Variants in MED13 observed in about 807,000 individuals in gnomAD.
MED13 encodes the protein mediator complex subunit 13.
Under a neutral mutation model 225.2 loss-of-function variants are expected in MED13, and 23 were observed. That is an observed-to-expected ratio of 0.10 (90% CI 0.07 to 0.14). The LOEUF (loss-of-function observed/expected upper bound fraction) is 0.14. MED13 is among the 10% of genes least tolerant of loss of function. The pLI, the probability that MED13 is intolerant of heterozygous loss-of-function variation, is 1.00. For synonymous variants in MED13, 942 were observed against 889.2 expected, an observed-to-expected ratio of 1.06 and a Z score of -1.06; for missense variants, 2,197 against 2,594.5, an observed-to-expected ratio of 0.85 and a Z score of 3.33.
rs1263202481 is a variant in MED13 at position 61,943,440 on chromosome 17, A to C, written c.*3028T>G. On this transcript the variant is annotated 3_prime_UTR_variant, in exon 30 of 30. Transcript: ENST00000397786. Reference sequence around the variant, plus strand: ...ATCTTTGTAGTAACACATTAAGTTAAAAAATTACCTCAGAAGGTAAATATG... The same window carrying C: ...ATCTTTGTAGTAACACATTAAGTTACAAAATTACCTCAGAAGGTAAATATG... 3 of 152,634 alleles carry C rather than the reference A, an allele frequency of 2.0e-5. No individual in the cohort carries two copies. The highest frequency in any genetic ancestry group is 2.9e-5 in the Non-Finnish European group (2 of 68,004). The allele number at this position is 152,634 out of a possible 1,614,324, so 9.5% of individuals were successfully genotyped here.
chr17:62,063,923 A>G (rs1457241250), intron 1 of MED13, among the ~76,000 whole-genome samples: 1 of 152,252 alleles, frequency 6.6e-6, no homozygotes, highest in African/African-American at 2.4e-5. Flanking sequence ...ATGTCTTATT[A>G]CATGTGAAGA....
At position 62,052,686 on chromosome 17, in the gene MED13, C is replaced by A; in HGVS notation, c.321G>T (p.Trp107Cys). 1 of 1,574,586 alleles carries A rather than the reference C, an allele frequency of 6.4e-7. No individual in the cohort carries two copies. Among genetic ancestry groups the A allele is most frequent in the East Asian group, 2.3e-5 (1 of 44,044 alleles). The stretch of plus-strand genomic sequence containing the variant: ...GGCATTCATAGGAAAGTCCATTCTC[C>A]CACACTCCATCTTCTTCTTCTAAAA... ...HDLSEEEDGV[W>C]ENGLSYECRT... Residue 107 changes from tryptophan (W) to cysteine (C), a missense_variant, in exon 3 of 30, where the codon TGG becomes TGT. Trp to Cys is a radical substitution (Grantham distance 215). Coordinates refer to ENST00000397786, the MANE Select transcript of MED13 (RefSeq NM_005121.3).
At chr17:62,000,606 A>G (rs117773689) in intron 9 of MED13, among the ~76,000 whole-genome samples, 7 of 152,366 alleles carry the variant, frequency 4.6e-5, no homozygotes, top group East Asian at 1.9e-4. Flanking sequence ...ATGTATGCAC[A>G]TATGTACTTT....
intron 3 of MED13, among the ~76,000 whole-genome samples, chr17:62,049,078 C>CAAAAAAAAAAAAAAAAAAAAAAAAAAA (rs890393330): frequency 2.2e-4 from 10 of 45,304 alleles, no homozygotes; most frequent in East Asian, 8.3e-4. Context: ...GTAAATAAGA[C>CAAAAAAAAAAAAAAAAAAAAAAAAAAA]AAAAAAAAAA....
At chr17:62,063,783 C>T (rs866049830) in intron 1 of MED13, among the ~76,000 whole-genome samples, 5 of 152,150 alleles carry the variant, frequency 3.3e-5, no homozygotes, top group African/African-American at 1.2e-4. Context: ...CACACACACC[C>T]CTGTCGGAAA....
chr17:62,029,331 C>T (rs1156521842), intron 8 of MED13: 2 of 535,146 alleles, frequency 3.7e-6, no homozygotes, highest in Middle Eastern at 4.8e-4. Flanking sequence ...TCAGAGTCTG[C>T]CTCTGGTAAC....
At chr17:62,003,285 A>G (rs1448516337) in intron 9 of MED13, among the ~76,000 whole-genome samples, 1 of 152,126 alleles carries the variant, frequency 6.6e-6, no homozygotes, top group Non-Finnish European at 1.5e-5. Flanking sequence ...ATCTATTATC[A>G]TACTACAAAA....
intron 6 of MED13, chr17:62,030,244 C>A (rs1018236032): frequency 2.6e-6 from 1 of 391,104 alleles, no homozygotes; most frequent in Non-Finnish European, 4.5e-6. Context: ...GTGGGGTTCT[C>A]AGGAGCCAGG....
Position 62,016,565 on chromosome 17 carries a change from G to C in MED13, c.1284-5332C>G, listed in dbSNP as rs2080583720. ...AGTTACATGTAGCTATTAGACACTTGACAAGTGGCTAGTCCAAATTGAGAT... is the reference window on the plus strand; with the variant it reads ...AGTTACATGTAGCTATTAGACACTTCACAAGTGGCTAGTCCAAATTGAGAT... On this transcript the variant is annotated intron_variant, in intron 8 of 29. Transcript: ENST00000397786. Among the ~76,000 whole-genome samples the C allele has an allele frequency of 2.6e-5, 4 of 152,130 alleles. No individual in the cohort carries two copies. The South Asian group carries it at 8.3e-4, about 31-fold the overall frequency.
chr17:61,976,319 A>G (rs1173289845), intron 16 of MED13, among the ~76,000 whole-genome samples: 1 of 152,236 alleles, frequency 6.6e-6, no homozygotes, highest in East Asian at 1.9e-4. Flanking sequence ...CATACAGTAT[A>G]TAATTCGATT....
intron 16 of MED13, among the ~76,000 whole-genome samples, chr17:61,976,731 G>A (rs957524922): frequency 6.6e-6 from 1 of 152,002 alleles, no homozygotes; most frequent in African/African-American, 2.4e-5. Context: ...TCAGGAGATC[G>A]AGACCATTCT....
At chr17:62,015,734 A>G (rs937411890) in intron 8 of MED13, among the ~76,000 whole-genome samples, 10 of 145,338 alleles carry the variant, frequency 6.9e-5, no homozygotes, top group African/African-American at 2.0e-4. Flanking sequence ...CCACCACATC[A>G]GTCTAATTTT....
At chr17:62,046,179 CTA>C (rs1468345759) in intron 3 of MED13, among the ~76,000 whole-genome samples, 1 of 152,106 alleles carries the variant, frequency 6.6e-6, no homozygotes, top group Admixed American at 6.6e-5. Context: ...TCTACCTTCC[CTA>C]TATCATTCCA....
At chr17:62,053,309 C>T (rs929261811) in intron 2 of MED13, among the ~76,000 whole-genome samples, 2 of 152,184 alleles carry the variant, frequency 1.3e-5, no homozygotes, top group Admixed American at 1.3e-4. Context: ...AGTACAGGAC[C>T]CTTTACTTGG....
intron 15 of MED13, 104 bp from the exon 16 acceptor site, chr17:61,983,218 A>C (rs1016129933): frequency 1.1e-6 from 1 of 935,854 alleles, no homozygotes; most frequent in African/African-American, 1.7e-5. Flanking sequence ...AATTACATAG[A>C]AAATTATGAA....
chr17:61,986,650 CTGAA>C (rs1356261379), intron 12 of MED13, among the ~76,000 whole-genome samples: 7 of 152,168 alleles, frequency 4.6e-5, no homozygotes, highest in African/African-American at 1.7e-4. Context: ...TATGTGTTCT[CTGAA>C]TGAGTAAATT....
chr17:61,986,209 AC>A (rs1439578591), intron 12 of MED13, among the ~76,000 whole-genome samples: 4 of 152,214 alleles, frequency 2.6e-5, no homozygotes, highest in Non-Finnish European at 5.9e-5. Flanking sequence ...TATGGGATAC[AC>A]AGTAAAAGTT....
At chr17:62,049,678 TC>T (rs2080937366) in intron 3 of MED13, among the ~76,000 whole-genome samples, 1 of 152,132 alleles carries the variant, frequency 6.6e-6, no homozygotes, top group African/African-American at 2.4e-5. Flanking sequence ...ACGCCTGTAA[TC>T]CCAGCACTTG....
At chr17:62,015,956 T>TATATA (rs1567980132) in intron 8 of MED13, among the ~76,000 whole-genome samples, 10 of 4,878 alleles carry the variant, frequency 2.1e-3, no homozygotes, top group Non-Finnish European at 3.1e-3. Context: ...ATATATATAT[T>TATATA]TTTTTTTTTT....
Sources: allele counts gnomAD v4.1 joint callset (sites outside exome capture counted in the v4.1 genomes callset), GRCh38; gene constraint gnomAD v4.1.1; transcripts MANE v1.5; gene names NCBI Gene and HGNC (gene_info 2026-07-23, HGNC 2026-07-21).